Variants in CSMD1 observed in about 807,000 individuals in gnomAD.
CSMD1 encodes CUB and Sushi multiple domains 1.
Under a neutral mutation model 417.5 loss-of-function variants are expected in CSMD1, and 213 were observed. That is an observed-to-expected ratio of 0.51 (90% confidence interval 0.46 to 0.57). The LOEUF is 0.57. CSMD1 is among the 20% of genes least tolerant of loss of function. The pLI is 0.00. For synonymous variants in CSMD1, 2,862 were observed against 1,736.8 expected (o/e 1.65, Z -16.11); for missense variants, 6,923 against 4,529.7 (o/e 1.53, Z -15.17).
At chr8:4,454,419 T>G (rs1460920766) in intron 2 of CSMD1, among the ~76,000 whole-genome samples, 1 of 152,194 alleles carries the variant, frequency 6.6e-6, no homozygotes, top group South Asian at 2.1e-4. Context: ...GAGATCTTCT[T>G]TGGATACCCT....
chr8:4,783,275 T>C (rs1473633155), intron 1 of CSMD1, among the ~76,000 whole-genome samples: 1 of 152,190 alleles, frequency 6.6e-6, no homozygotes, highest in African/African-American at 2.4e-5. Context: ...AGATGGTGAA[T>C]AATACACTCA....
intron 10 of CSMD1, among the ~76,000 whole-genome samples, chr8:3,534,798 T>C (rs988860407): frequency 7.2e-5 from 11 of 152,226 alleles, no homozygotes; most frequent in African/African-American, 2.7e-4. Flanking sequence ...GTTACAAATT[T>C]CTCACACAAC....
At chr8:3,283,148 C>G (rs1802866640) in intron 26 of CSMD1, among the ~76,000 whole-genome samples, 1 of 152,158 alleles carries the variant, frequency 6.6e-6, no homozygotes, top group African/African-American at 2.4e-5. Context: ...AGAGGTTCCT[C>G]TGTCATATTA....
At chr8:3,952,573 G>C (rs1373569892) in intron 5 of CSMD1, among the ~76,000 whole-genome samples, 1 of 152,152 alleles carries the variant, frequency 6.6e-6, no homozygotes, top group Non-Finnish European at 1.5e-5. Context: ...GCAGAAAACA[G>C]ATCAGCAGTC....
chr8:4,936,452 A>G (rs535139934), intron 1 of CSMD1, among the ~76,000 whole-genome samples: 10 of 152,222 alleles, frequency 6.6e-5, no homozygotes, highest in Admixed American at 1.3e-4. Flanking sequence ...ATTTTTGTCC[A>G]GAACATCTTA....
rs767301977 is a variant in CSMD1, at chr8:3,998,084, G to C, written c.637C>G (p.Arg213Gly). Residue 213 changes from arginine (R) to glycine (G), a missense_variant, in exon 5 of 70, where the codon CGC (arginine) becomes GGC (glycine). Arg to Gly is a moderately radical substitution (Grantham distance 125). Coordinates refer to ENST00000635120, the MANE Select transcript of CSMD1 (RefSeq NM_033225.6). The part of the protein sequence containing the change: ...RAEGACGGTL[R>G]GTSSSISSPH... ...CTGGAGATGGAGCTGCTGGTCCCGC[G>C]TAAGGTTCCTCCGCAGGCTCCCTCA... 5 of 1,582,434 alleles carry C rather than the reference G, an allele frequency of 3.2e-6. No individual in the cohort carries two copies. Among genetic ancestry groups the C allele is most frequent in the Non-Finnish European group, 4.3e-6 (5 of 1,163,404 alleles).
At chr8:4,491,185 T>C (rs1009165951) in intron 2 of CSMD1, among the ~76,000 whole-genome samples, 1 of 151,346 alleles carries the variant, frequency 6.6e-6, no homozygotes, top group Non-Finnish European at 1.5e-5. Context: ...GTACATGTAC[T>C]GCTGAACTTA....
chr8:3,322,891 G>T (rs1182930511), intron 23 of CSMD1, among the ~76,000 whole-genome samples: 2 of 152,224 alleles, frequency 1.3e-5, no homozygotes, highest in Admixed American at 6.5e-5. Flanking sequence ...GACTTAGGAA[G>T]TGCTGTGATT....
At chr8:4,770,384 T>C (rs1398411744) in intron 1 of CSMD1, among the ~76,000 whole-genome samples, 1 of 148,970 alleles carries the variant, frequency 6.7e-6, no homozygotes, top group Non-Finnish European at 1.5e-5. Flanking sequence ...TAGTACGTAA[T>C]TAAGCTTTTA....
At chr8:3,951,729 T>C (rs1249698967) in intron 5 of CSMD1, among the ~76,000 whole-genome samples, 1 of 152,066 alleles carries the variant, frequency 6.6e-6, no homozygotes, top group East Asian at 1.9e-4. Context: ...ATTAACAACA[T>C]GGGGGGCATT....
At chr8:3,600,753 G>C (rs1801323921) in intron 8 of CSMD1, among the ~76,000 whole-genome samples, 2 of 152,054 alleles carry the variant, frequency 1.3e-5, no homozygotes, top group South Asian at 4.2e-4. Flanking sequence ...CTCTATCACA[G>C]GATTCAGTCA....
At chr8:4,860,825 C>G (rs1479211672) in intron 1 of CSMD1, among the ~76,000 whole-genome samples, 1 of 152,046 alleles carries the variant, frequency 6.6e-6, no homozygotes, top group African/African-American at 2.4e-5. Context: ...TGCAGTGTCC[C>G]CAACACAGCA....
At chr8:3,489,953 T>C (rs533276498) in intron 11 of CSMD1, among the ~76,000 whole-genome samples, 23 of 152,366 alleles carry the variant, frequency 1.5e-4, no homozygotes, top group African/African-American at 5.3e-4. Context: ...TGACTTCGTA[T>C]ACTGACTAGT....
intron 2 of CSMD1, among the ~76,000 whole-genome samples, chr8:4,437,578 G>A (rs993226393): frequency 8.5e-5 from 13 of 152,148 alleles, no homozygotes; most frequent in Admixed American, 4.6e-4. Flanking sequence ...AGACTATCAG[G>A]TTTAAAATGT....
rs370440401 is a variant in CSMD1, at chr8:4,251,075, G to A, written c.415+168878C>T. On this transcript the variant is annotated intron_variant, in intron 3 of 69. Transcript: ENST00000635120. ...AGTAATCTGCAGGTGCTTGTGAAATGTTGTAGTCACATTTTCCCTGCCAAA... is the reference window on the plus strand; with the variant it reads ...AGTAATCTGCAGGTGCTTGTGAAATATTGTAGTCACATTTTCCCTGCCAAA... Among the ~76,000 whole-genome samples, 98 of 152,260 alleles carry A rather than the reference G, an allele frequency of 6.4e-4. 1 individual carries two copies. The South Asian group carries it at 0.016, about 25-fold the overall frequency.
intron 2 of CSMD1, among the ~76,000 whole-genome samples, chr8:4,559,774 C>A (rs1381454692): frequency 6.6e-6 from 1 of 152,224 alleles, no homozygotes; most frequent in Non-Finnish European, 1.5e-5. Context: ...ATCAGTGCAG[C>A]CTGGTGCATT....
At chr8:4,609,974 T>C (rs997486430) in intron 2 of CSMD1, among the ~76,000 whole-genome samples, 1 of 152,158 alleles carries the variant, frequency 6.6e-6, no homozygotes, top group Non-Finnish European at 1.5e-5. Flanking sequence ...TGGTAATTCC[T>C]TCAATAGCTT....
chr8:3,129,617 G>C (rs918146399), intron 41 of CSMD1, among the ~76,000 whole-genome samples: 1 of 147,494 alleles, frequency 6.8e-6, no homozygotes, highest in African/African-American at 2.5e-5. Flanking sequence ...TATACTAAAA[G>C]TACAAAAATT....
intron 5 of CSMD1, among the ~76,000 whole-genome samples, chr8:3,985,486 A>C (rs2130233217): frequency 6.6e-6 from 1 of 152,312 alleles, no homozygotes; most frequent in Admixed American, 6.5e-5. Flanking sequence ...ATTGCTGCTC[A>C]GAAGTCTCCA....
Sources: gnomAD v4.1 joint callset for allele counts (sites outside exome capture counted in the v4.1 genomes callset) on GRCh38, gnomAD v4.1.1 for gene constraint, MANE v1.5 for transcripts, NCBI Gene and HGNC (gene_info 2026-07-23, HGNC 2026-07-21) for gene names.